Variants in ARHGAP17 observed in about 807,000 individuals in gnomAD.
ARHGAP17 encodes the protein rho GTPase-activating protein 17.
ARHGAP17 carries 57 observed loss-of-function variants against 99.5 expected under a neutral mutation model. That is an observed-to-expected ratio of 0.57 (90% CI 0.46 to 0.71). ARHGAP17 has a LOEUF of 0.71. Among genes scored for constraint, ARHGAP17 ranks in the 30% least tolerant of loss-of-function variants. ARHGAP17 has a pLI of 0.00. For missense variants in ARHGAP17, 1,000 were observed against 1,122.4 expected (o/e 0.89, Z 1.56); for synonymous variants, 417 against 429.6 (o/e 0.97, Z 0.36).
intron 3 of ARHGAP17, among the ~76,000 whole-genome samples, chr16:24,971,055 T>C (rs2052346471): frequency 1.3e-5 from 2 of 152,126 alleles, no homozygotes; most frequent in African/African-American, 2.4e-5. Context: ...TTTGTATTTT[T>C]GGTAGAGATG....
At chr16:24,934,179 G>A (rs1206325232) in intron 18 of ARHGAP17, among the ~76,000 whole-genome samples, 1 of 151,254 alleles carries the variant, frequency 6.6e-6, no homozygotes, top group Admixed American at 6.6e-5. Flanking sequence ...TTCTTTTTTC[G>A]GGACAGAGTC....
chr16:24,946,306 C>T (rs62032847), intron 14 of ARHGAP17, among the ~76,000 whole-genome samples: 1 of 151,494 alleles, frequency 6.6e-6, no homozygotes, highest in Non-Finnish European at 1.5e-5. Context: ...CTCATGTTCT[C>T]TGTCTTCAAG....
intron 1 of ARHGAP17, among the ~76,000 whole-genome samples, chr16:25,013,194 C>G (rs949545300): frequency 2.0e-5 from 3 of 152,198 alleles, no homozygotes; most frequent in African/African-American, 7.2e-5. Flanking sequence ...TCCCAGAAGG[C>G]TGAAGAATGA....
chr16:24,923,839 G>T (rs1009819620), intron 19 of ARHGAP17, among the ~76,000 whole-genome samples: 1 of 151,824 alleles, frequency 6.6e-6, no homozygotes, highest in African/African-American at 2.4e-5. Context: ...TCTGACAAAT[G>T]TAACCCAGGT....
At chr16:24,973,880 T>C (rs1351106424) in intron 3 of ARHGAP17, among the ~76,000 whole-genome samples, 1 of 152,212 alleles carries the variant, frequency 6.6e-6, no homozygotes, top group Admixed American at 6.5e-5. Context: ...CAACAGGAAC[T>C]AGATAGAACT....
At chr16:24,982,992 A>ATTT (rs1555467535) in intron 1 of ARHGAP17, among the ~76,000 whole-genome samples, 1 of 28,762 alleles carries the variant, frequency 3.5e-5, no homozygotes, top group African/African-American at 1.5e-4. Context: ...ATATATATAT[A>ATTT]TATATTTTTT....
At chr16:24,938,951 A>G (rs2051228008) in intron 17 of ARHGAP17, among the ~76,000 whole-genome samples, 1 of 152,048 alleles carries the variant, frequency 6.6e-6, no homozygotes, top group Admixed American at 6.6e-5. Context: ...CAATCAACGA[A>G]TGGGTGAATA....
intron 14 of ARHGAP17, 133 bp from the exon 15 acceptor site, chr16:24,943,995 G>A (rs2051391241): frequency 1.9e-5 from 16 of 825,874 alleles, no homozygotes; most frequent in East Asian, 2.8e-5. Flanking sequence ...ATCACTGGCC[G>A]GGTGTGGTGG....
intron 6 of ARHGAP17, among the ~76,000 whole-genome samples, chr16:24,964,588 T>C (rs2052115892): frequency 6.6e-6 from 1 of 151,580 alleles, no homozygotes; most frequent in Non-Finnish European, 1.5e-5. Flanking sequence ...ACTCTACTAC[T>C]GGAGAGAAAT....
chr16:25,004,508 G>C (rs552107111), intron 1 of ARHGAP17, among the ~76,000 whole-genome samples: 72 of 152,320 alleles, frequency 4.7e-4, no homozygotes, highest in Non-Finnish European at 9.4e-4. Flanking sequence ...TGATATCCAA[G>C]CTGCTTGATT....
chr16:24,940,192 G>A (rs2051273355), intron 16 of ARHGAP17, among the ~76,000 whole-genome samples: 1 of 152,050 alleles, frequency 6.6e-6, no homozygotes, highest in Non-Finnish European at 1.5e-5. Context: ...TCAAAGTGCT[G>A]GGATTACAGG....
rs191789763 is a variant in ARHGAP17, at chr16:24,963,890, T to C, written c.573+307A>G. Among the ~76,000 whole-genome samples the C allele has an allele frequency of 4.5e-3, 678 of 152,354 alleles. 6 individuals carry two copies. Among genetic ancestry groups the C allele is most frequent in the African/African-American group, 0.015 (642 of 41,584 alleles). Reference sequence around the variant, plus strand: ...TTTTTTCTTACTTTTGTATTTCTTATGCATTTTTAATCGCTGTAATTTTAT... The same window carrying C: ...TTTTTTCTTACTTTTGTATTTCTTACGCATTTTTAATCGCTGTAATTTTAT... On this transcript the variant is annotated intron_variant, in intron 7 of 19. Coordinates refer to ENST00000289968, the MANE Select transcript of ARHGAP17 (RefSeq NM_001006634.3).
At chr16:25,007,879 G>A (rs544252622) in intron 1 of ARHGAP17, among the ~76,000 whole-genome samples, 5 of 152,102 alleles carry the variant, frequency 3.3e-5, no homozygotes, top group Non-Finnish European at 5.9e-5. Context: ...CTACTCCCAC[G>A]TTCACCATGG....
chr16:24,954,416 G>C (rs1312782924), intron 10 of ARHGAP17, among the ~76,000 whole-genome samples, 187 bp downstream of exon 10: 2 of 152,182 alleles, frequency 1.3e-5, no homozygotes, highest in Non-Finnish European at 2.9e-5. Context: ...AGGTATCATA[G>C]GGAACAGGGT....
chr16:25,007,921 C>A (rs1263439215), intron 1 of ARHGAP17, among the ~76,000 whole-genome samples: 1 of 152,152 alleles, frequency 6.6e-6, no homozygotes, highest in East Asian at 1.9e-4. Context: ...GAGCAGCTCT[C>A]CCCTTTGAAT....
At chr16:24,952,026 T>C (rs538191920) in intron 12 of ARHGAP17, among the ~76,000 whole-genome samples, 11 of 152,144 alleles carry the variant, frequency 7.2e-5, no homozygotes, top group Non-Finnish European at 1.6e-4. Context: ...AATTTGCAAA[T>C]CCATTAATGT....
intron 18 of ARHGAP17, among the ~76,000 whole-genome samples, chr16:24,933,315 ACT>A (rs1292331565): frequency 6.6e-6 from 1 of 151,024 alleles, no homozygotes; most frequent in Non-Finnish European, 1.5e-5. Flanking sequence ...TGAGACCCCG[ACT>A]CTACAAAAAA....
At chr16:24,998,286 C>T (rs896415056) in intron 1 of ARHGAP17, among the ~76,000 whole-genome samples, 1 of 151,848 alleles carries the variant, frequency 6.6e-6, no homozygotes, top group African/African-American at 2.4e-5. Flanking sequence ...AAAAGCCTGA[C>T]CATGAGGAGC....
intron 9 of ARHGAP17, chr16:24,956,560 G>A (rs2051814752): frequency 6.6e-6 from 1 of 152,220 alleles, no homozygotes; most frequent in African/African-American, 2.4e-5. Flanking sequence ...GTATAGACAA[G>A]GGTTGCAAAT....
Sources: allele counts gnomAD v4.1 joint callset (sites outside exome capture counted in the v4.1 genomes callset), GRCh38; gene constraint gnomAD v4.1.1; transcripts MANE v1.5; gene names NCBI Gene and HGNC (gene_info 2026-07-23, HGNC 2026-07-21).